C5orf24: variants seen among roughly 807,000 people sequenced by gnomAD.
The protein encoded by C5orf24 is chromosome 5 open reading frame 24, also known as UPF0461 protein C5orf24.
Under a neutral mutation model 9.8 loss-of-function variants are expected in C5orf24, and 4 were observed. That is an observed-to-expected ratio of 0.41 (90% confidence interval 0.20 to 0.93). C5orf24 has a LOEUF of 0.93. Ranked by LOEUF, C5orf24 falls within the 40% of genes least tolerant of loss-of-function variation. The pLI, the probability that C5orf24 is intolerant of heterozygous loss-of-function variation, is 0.33. For missense variants in C5orf24, 170 were observed against 236.9 expected (o/e 0.72, Z 1.85); for synonymous variants, 73 against 81.3 (o/e 0.90, Z 0.55).
At chr5:134,844,373 C>A (rs1191219361), upstream of C5orf24, among the ~76,000 whole-genome samples, 1 of 152,072 alleles carries the variant, frequency 6.6e-6, no homozygotes, top group Non-Finnish European at 1.5e-5. Flanking sequence ...GGGTCTCACT[C>A]TGTTGCCCAG....
rs1246820244 is a variant in C5orf24 at position 134,855,920 on chromosome 5, A to C, written c.*453A>C. 1 of 1,007,346 alleles carries C rather than the reference A, an allele frequency of 9.9e-7. No individual in the cohort carries two copies. Among genetic ancestry groups the C allele is most frequent in the African/African-American group, 1.7e-5 (1 of 57,432 alleles). The allele number at this position is 1,007,346 out of a possible 1,614,324, so 62.4% of individuals were successfully genotyped here. A position where few individuals can be genotyped will look rare whatever the true frequency, so the allele number is the denominator to read the frequency against. Reference sequence around the variant, plus strand: ...GATTACTTGAGGTAATGGCTGTGTGAGTTTTTGTAACATTTATTTTCACAA... The same window carrying C: ...GATTACTTGAGGTAATGGCTGTGTGCGTTTTTGTAACATTTATTTTCACAA... On this transcript the variant is annotated 3_prime_UTR_variant, in exon 2 of 2. Transcript: ENST00000394976.
upstream of C5orf24, among the ~76,000 whole-genome samples, chr5:134,845,029 C>G (rs1209822551): frequency 1.3e-5 from 2 of 152,196 alleles, no homozygotes; most frequent in Non-Finnish European, 2.9e-5. Flanking sequence ...AGCCACCGCA[C>G]CCAGGCTGTC....
intron 1 of C5orf24, among the ~76,000 whole-genome samples, chr5:134,852,065 T>C (rs992800294): frequency 1.3e-5 from 2 of 152,178 alleles, no homozygotes; most frequent in Non-Finnish European, 2.9e-5. Context: ...CTCAGCCTCC[T>C]GAGTAGCTGG....
Position 134,857,334 on chromosome 5 carries a change from A to G in C5orf24, c.*1867A>G, listed in dbSNP as rs1208467386. ...CAAACTCTGATTGCAAATGGATGTC[A>G]TGTTTCATACCTTTTTTATCAGGAA... On this transcript the variant is annotated 3_prime_UTR_variant, in exon 2 of 2. Transcript: ENST00000394976. The G allele has an allele frequency of 6.5e-6, 10 of 1,543,968 alleles. No homozygotes were observed. The highest frequency in any genetic ancestry group is 2.7e-5 in the African/African-American group (2 of 72,958).
intron 1 of C5orf24, among the ~76,000 whole-genome samples, chr5:134,849,061 C>T (rs1050910969): frequency 6.6e-6 from 1 of 151,382 alleles, no homozygotes; most frequent in Non-Finnish European, 1.5e-5. Context: ...TCAACACCAG[C>T]CTGGCCAACA....
rs1285434945 is a variant in C5orf24 at position 134,859,388 on chromosome 5, A to G, written c.*3921A>G. The stretch of plus-strand genomic sequence containing the variant: ...CTTTTTTCCCCCCTCCTCCAAATAT[A>G]TAAATCTGTGCTCTCACATGTAATG... On this transcript the variant is annotated 3_prime_UTR_variant, in exon 2 of 2. Coordinates refer to ENST00000394976, the MANE Select transcript of C5orf24 (RefSeq NM_001135586.1). 2.4e-5 allele frequency: 4 copies of G among 166,948 alleles called. No homozygotes were observed. The highest frequency in any genetic ancestry group is 5.9e-5 in the Non-Finnish European group (4 of 68,088). The allele number at this position is 166,948 out of a possible 1,614,324, so 10.3% of individuals were successfully genotyped here.
chr5:134,838,768 G>T, the C5orf24 span, among the ~76,000 whole-genome samples: 5 of 150,284 alleles, frequency 3.3e-5, no homozygotes, highest in Non-Finnish European at 5.9e-5. Flanking sequence ...AACATGGCAT[G>T]ACCTCGTCTC....
chr5:134,846,337 G>T (rs968337704), intron 1 of C5orf24, 125 bp downstream of exon 1: 1 of 152,242 alleles, frequency 6.6e-6, no homozygotes, highest in Admixed American at 6.5e-5. Context: ...GCCGGAGTGA[G>T]AGGAGGGGCC....
At chr5:134,836,411 G>C in the C5orf24 span, among the ~76,000 whole-genome samples, 2 of 151,492 alleles carry the variant, frequency 1.3e-5, no homozygotes, top group South Asian at 4.2e-4. Context: ...GACCTCAGAT[G>C]ATCCAACTGC....
rs1239361660 is a variant in C5orf24 at position 134,856,937 on chromosome 5, A to T, written c.*1470A>T. The T allele has an allele frequency of 1.0e-6, 1 of 1,002,148 alleles. No homozygotes were observed. Among genetic ancestry groups the T allele is most frequent in the Non-Finnish European group, 1.2e-6 (1 of 831,464 alleles). 62.1% of individuals were successfully genotyped at this position (1,002,148 alleles called of 1,614,324 possible). A position where few individuals can be genotyped will look rare whatever the true frequency, so the allele number is the denominator to read the frequency against. ...GTTGGTTAGTTTAATTAAAAATCTT[A>T]TTGTGGGTCCAGTGAGACCATCTCA... On this transcript the variant is annotated 3_prime_UTR_variant, in exon 2 of 2. Coordinates refer to ENST00000394976, the MANE Select transcript of C5orf24 (RefSeq NM_001135586.1).
chr5:134,850,933 T>TAC (rs1270662260), intron 1 of C5orf24, among the ~76,000 whole-genome samples: 1 of 148,134 alleles, frequency 6.8e-6, no homozygotes, highest in Non-Finnish European at 1.5e-5. Flanking sequence ...TATATATATA[T>TAC]ATATACACAC....
chr5:134,836,303 C>G, the C5orf24 span, among the ~76,000 whole-genome samples: 4 of 150,980 alleles, frequency 2.6e-5, no homozygotes, highest in Non-Finnish European at 4.4e-5. Context: ...TCCCAAGTAG[C>G]TGGGATTACA....
At chr5:134,837,030 A>G in the C5orf24 span, among the ~76,000 whole-genome samples, 1,092 of 150,980 alleles carry the variant, frequency 7.2e-3, 5 homozygotes, top group Middle Eastern at 0.041. Context: ...TTGGAGTGCA[A>G]TGGCGCGATC....
rs761947415 is a variant in C5orf24 at position 134,855,451 on chromosome 5, A to T, written c.551A>T (p.Lys184Ile). Residue 184 changes from lysine (K) to isoleucine (I), a missense_variant, in exon 2 of 2, where the codon AAA becomes ATA. This residue lies in a region of C5orf24 where 56 missense variants were observed against 60.3 expected (regional missense o/e 0.93). Coordinates refer to ENST00000394976, the MANE Select transcript of C5orf24 (RefSeq NM_001135586.1). ...HGVEETSSEV[K>I]PPNE Reference sequence around the variant, plus strand: ...GTAGAGGAAACTAGCAGTGAAGTCAAACCACCCAATGAGTGAATGAGGCAG... The same window carrying T: ...GTAGAGGAAACTAGCAGTGAAGTCATACCACCCAATGAGTGAATGAGGCAG... The T allele has an allele frequency of 6.2e-7, 1 of 1,614,194 alleles. No individual in the cohort carries two copies. The highest frequency in any genetic ancestry group is 1.3e-5 in the African/African-American group (1 of 75,054).
chr5:134,838,684 C>G, the C5orf24 span, among the ~76,000 whole-genome samples: 1 of 151,902 alleles, frequency 6.6e-6, no homozygotes, highest in African/African-American at 2.4e-5. Context: ...GTGGCTCATC[C>G]CTATAATTTC....
At chr5:134,844,910 G>C (rs574306390), upstream of C5orf24, among the ~76,000 whole-genome samples, 26 of 151,996 alleles carry the variant, frequency 1.7e-4, no homozygotes, top group Non-Finnish European at 3.2e-4. Flanking sequence ...ACTAATTTTC[G>C]TATTTTTAGT....
In C5orf24 at chr5:134,855,317, C is replaced by G. The variant is rs193092391; in HGVS notation, c.417C>G (p.Gly139=). ...CTGCGGGATACAAAGTCAGCCCAGG[C>G]AGACCTCCAGGTAGCATTAAAGCTC... is the stretch of plus-strand genomic sequence containing the variant. ...TKAAGYKVSP[G]RPPGSIKALS... is the part of the protein sequence containing the mutation. Residue 139 remains glycine (G), a synonymous_variant, in exon 2 of 2, where the codon GGC becomes GGG. Transcript: ENST00000394976. 9 of 1,614,118 alleles carry G rather than the reference C, an allele frequency of 5.6e-6. No individual in the cohort carries two copies. The East Asian group carries it at 2.0e-4, about 36-fold the overall frequency.
rs1169493391 is a variant in C5orf24, at chr5:134,857,462, A to T, written c.*1995A>T. The stretch of plus-strand genomic sequence containing the variant: ...AGGTGTTGCATTGTATGTGGGGACT[A>T]TGTGCACTGGCGTCTAAGACAGTGA... On this transcript the variant is annotated 3_prime_UTR_variant, in exon 2 of 2. Transcript: ENST00000394976. 1.3e-6 allele frequency: 2 copies of T among 1,503,418 alleles called. No individual in the cohort carries two copies. The highest frequency in any genetic ancestry group is 2.8e-5 in the African/African-American group (2 of 72,096). 93.1% of individuals were successfully genotyped at this position (1,503,418 alleles called of 1,614,324 possible).
chr5:134,855,363 G>A lies in C5orf24; in HGVS notation c.463G>A (p.Gly155Ser), dbSNP rs1756282455. ...IKALSRLADL[G>S]YGCGTAAFPY... Reference sequence around the variant, plus strand: ...AGCTCTATCCCGTCTTGCCGATCTTGGTTATGGCTGTGGCACTGCTGCTTT... The same window carrying A: ...AGCTCTATCCCGTCTTGCCGATCTTAGTTATGGCTGTGGCACTGCTGCTTT... Residue 155 changes from glycine (G) to serine (S), a missense_variant, in exon 2 of 2, where the codon GGT (glycine) becomes AGT (serine). Physicochemically the swap from Gly to Ser is moderately conservative, Grantham distance 56. This residue lies in a region of C5orf24 where 56 missense variants were observed against 60.3 expected (regional missense o/e 0.93). Coordinates refer to ENST00000394976, the MANE Select transcript of C5orf24 (RefSeq NM_001135586.1). The A allele has an allele frequency of 6.2e-7, 1 of 1,614,046 alleles. No individual in the cohort carries two copies. Among genetic ancestry groups the A allele is most frequent in the Non-Finnish European group, 8.5e-7 (1 of 1,180,018 alleles).
Sources: allele counts gnomAD v4.1 joint callset (sites outside exome capture counted in the v4.1 genomes callset), GRCh38; gene constraint gnomAD v4.1.1; regional missense constraint gnomAD v4.1.1; transcripts MANE v1.5; gene names NCBI Gene and HGNC (gene_info 2026-07-23, HGNC 2026-07-21).